The following APP variants were observed in gnomAD, a reference collection of about 807,000 sequenced individuals.
APP encodes the protein amyloid beta precursor protein.
Under a neutral mutation model 101.4 loss-of-function variants are expected in APP, and 31 were observed. The observed-to-expected ratio is 0.31, with a 90% CI of 0.23 to 0.41. The LOEUF is 0.41. Among genes scored for constraint, APP ranks in the 10% least tolerant of loss-of-function variants. APP has a pLI of 1.00. For synonymous variants in APP, 366 were observed against 364.4 expected (o/e 1.00, Z -0.05); for missense variants, 839 against 1,003.7 (o/e 0.84, Z 2.22).
intron 16 of APP, among the ~76,000 whole-genome samples, chr21:25,896,229 C>CA (rs1304138598): frequency 6.6e-6 from 1 of 151,808 alleles, no homozygotes; most frequent in African/African-American, 2.4e-5. Flanking sequence ...TGTCTTTCTA[C>CA]AAAAAAAGAA....
chr21:26,116,194 ACCAAGTGCTC>A (rs1349453909), intron 1 of APP, among the ~76,000 whole-genome samples: 2 of 152,256 alleles, frequency 1.3e-5, no homozygotes, highest in African/African-American at 4.8e-5. Flanking sequence ...GAGGCTGTTT[ACCAAGTGCTC>A]TGAACTACAG....
At chr21:26,005,333 G>C (rs889055186) in intron 6 of APP, among the ~76,000 whole-genome samples, 1 of 152,148 alleles carries the variant, frequency 6.6e-6, no homozygotes, top group Non-Finnish European at 1.5e-5. Context: ...GGAATCACTT[G>C]AACCTGGGAA....
At chr21:25,909,079 C>A (rs551275640) in intron 14 of APP, among the ~76,000 whole-genome samples, 1 of 151,828 alleles carries the variant, frequency 6.6e-6, no homozygotes, top group African/African-American at 2.4e-5. Flanking sequence ...CTGGCTAACA[C>A]GGTGAAACCC....
intron 5 of APP, among the ~76,000 whole-genome samples, chr21:26,035,700 T>C (rs1228448063): frequency 6.6e-6 from 1 of 152,178 alleles, no homozygotes; most frequent in Non-Finnish European, 1.5e-5. Context: ...CTCTACATCC[T>C]GGCTGCTGTA....
intron 6 of APP, 87 bp downstream of exon 6, chr21:26,021,753 A>C (rs1016582364): frequency 5.3e-6 from 8 of 1,522,584 alleles, no homozygotes; most frequent in African/African-American, 1.4e-5. Flanking sequence ...TGGGGAAGGC[A>C]GTGGTGCTAG....
chr21:26,064,218 C>T (rs2046373399), intron 3 of APP, among the ~76,000 whole-genome samples: 1 of 152,080 alleles, frequency 6.6e-6, no homozygotes. Flanking sequence ...GGACATTAGA[C>T]AAAAACTAAG....
intron 13 of APP, among the ~76,000 whole-genome samples, chr21:25,940,235 A>C (rs2040519027): frequency 6.6e-6 from 1 of 152,182 alleles, no homozygotes; most frequent in Non-Finnish European, 1.5e-5. Flanking sequence ...ATGATTTTAA[A>C]GGTAATAATG....
chr21:26,140,250 A>C (rs2063014232), intron 1 of APP: 6 of 1,535,946 alleles, frequency 3.9e-6, no homozygotes, highest in Non-Finnish European at 5.2e-6. Context: ...GCAACTGTGG[A>C]ATACTCCCTG....
intron 5 of APP, among the ~76,000 whole-genome samples, 154 bp from the exon 6 acceptor site, chr21:26,022,196 G>A (rs1297058699): frequency 6.6e-6 from 1 of 152,146 alleles, no homozygotes; most frequent in Non-Finnish European, 1.5e-5. Context: ...AGCTCAGTGG[G>A]TCTGCAAAAA....
intron 1 of APP, among the ~76,000 whole-genome samples, chr21:26,161,948 A>G (rs898363574): frequency 1.3e-5 from 2 of 152,182 alleles, no homozygotes; most frequent in Non-Finnish European, 2.9e-5. Context: ...ATCAATAAAT[A>G]CAGTTAAGAA....
intron 11 of APP, among the ~76,000 whole-genome samples, chr21:25,971,979 G>A (rs1008479678): frequency 3.9e-5 from 6 of 152,162 alleles, no homozygotes; most frequent in Admixed American, 1.3e-4. Context: ...TAAATTCAGC[G>A]TCCGACATTT....
intron 8 of APP, 155 bp downstream of exon 8, chr21:25,997,205 T>C (rs1246522278): frequency 4.2e-6 from 3 of 721,774 alleles, no homozygotes; most frequent in Non-Finnish European, 7.3e-6. Context: ...CAAAATCAGA[T>C]GTAATTACAA....
chr21:26,052,674 T>C (rs995452235), intron 4 of APP, among the ~76,000 whole-genome samples: 2 of 152,158 alleles, frequency 1.3e-5, no homozygotes, highest in Non-Finnish European at 2.9e-5. Flanking sequence ...AACTGGATGG[T>C]ATAACTGAGA....
chr21:25,896,704 T>TA (rs1295646243), intron 16 of APP, among the ~76,000 whole-genome samples: 1 of 152,074 alleles, frequency 6.6e-6, no homozygotes, highest in Admixed American at 6.6e-5. Context: ...AATTCTAACA[T>TA]TAGGGGGGAA....
intron 13 of APP, among the ~76,000 whole-genome samples, chr21:25,946,244 T>G (rs905370848): frequency 8.5e-5 from 13 of 152,208 alleles, no homozygotes; most frequent in African/African-American, 2.4e-4. Flanking sequence ...ATTGAAAATT[T>G]TTGTGTGTCA....
rs777613745 is a variant in APP at position 25,881,661 on chromosome 21, G to A, written c.*9C>T. 1.2e-6 allele frequency: 2 copies of A among 1,613,022 alleles called. No individual in the cohort carries two copies. Among genetic ancestry groups the A allele is most frequent in the Non-Finnish European group, 1.7e-6 (2 of 1,179,156 alleles). On this transcript the variant is annotated 3_prime_UTR_variant, in exon 18 of 18. Transcript: ENST00000346798. ...GCTGTCCAACTTCAGAGGCTGCTGT[G>A]GCGGGGGTCTAGTTCTGCATCTGCT...
chr21:25,972,139 C>T (rs555136076), intron 11 of APP, among the ~76,000 whole-genome samples: 72 of 151,948 alleles, frequency 4.7e-4, no homozygotes, highest in African/African-American at 1.7e-3. Context: ...TCCATAGGTT[C>T]AAAAGTTAAG....
rs765907080 is a variant in APP, at chr21:25,955,668, G to A, written c.1546C>T (p.Arg516Cys). The change falls in exon 12 of 18, where the codon CGC (arginine) becomes TGC (cysteine). Residue 516 changes from arginine (R) to cysteine (C), a missense_variant. Physicochemically the swap from Arg to Cys is radical, Grantham distance 180. Transcript: ENST00000346798. Reference sequence around the variant, plus strand: ...GCGGCTTTCTTGGGATCCACCATGCGCACATGCTCGAAATGCTTTAGGGTG... The same window carrying A: ...GCGGCTTTCTTGGGATCCACCATGCACACATGCTCGAAATGCTTTAGGGTG... The part of the protein sequence containing the change: ...QHTLKHFEHV[R>C]MVDPKKAAQI... The A allele has an allele frequency of 3.1e-6, 5 of 1,614,170 alleles. No individual in the cohort carries two copies. The highest frequency in any genetic ancestry group is 1.1e-5 in the South Asian group (1 of 91,080).
intron 1 of APP, among the ~76,000 whole-genome samples, chr21:26,147,236 A>G (rs2063172798): frequency 6.6e-6 from 1 of 152,234 alleles, no homozygotes; most frequent in Admixed American, 6.5e-5. Context: ...CCAAAGACAG[A>G]GAGCCTGCTT....
Sources: allele counts gnomAD v4.1 joint callset (sites outside exome capture counted in the v4.1 genomes callset), GRCh38; gene constraint gnomAD v4.1.1; transcripts MANE v1.5; gene names NCBI Gene and HGNC (gene_info 2026-07-23, HGNC 2026-07-21).